Variants in DPP6 observed in about 807,000 individuals in gnomAD.
DPP6 encodes dipeptidyl peptidase like 6.
Under a neutral mutation model 122.6 loss-of-function variants are expected in DPP6, and 69 were observed. That is an observed-to-expected ratio of 0.56 (90% CI 0.46 to 0.69). The LOEUF is 0.69. Ranked by LOEUF, DPP6 falls within the 30% of genes least tolerant of loss-of-function variation. DPP6 has a pLI of 0.00. For synonymous variants in DPP6, 418 were observed against 433.1 expected, an observed-to-expected ratio of 0.97 and a Z score of 0.43; for missense variants, 928 against 1,116.9, an observed-to-expected ratio of 0.83 and a Z score of 2.41.
At chr7:153,870,908 A>T in the DPP6 span, among the ~76,000 whole-genome samples, 1 of 152,226 alleles carries the variant, frequency 6.6e-6, no homozygotes. Flanking sequence ...AGTTTGCTAG[A>T]GGTCCACTCC....
intron 1 of DPP6, among the ~76,000 whole-genome samples, chr7:153,923,026 C>T (rs1045883750): frequency 3.9e-5 from 6 of 152,236 alleles, no homozygotes; most frequent in East Asian, 1.9e-4. Context: ...GCCAGAGCCA[C>T]GTAGTGAGTG....
At chr7:154,805,077 A>C in intron 15 of DPP6, 113 bp downstream of exon 15, 1 of 1,388,260 alleles carries the variant, frequency 7.2e-7, no homozygotes, top group Non-Finnish European at 9.8e-7. Flanking sequence ...GACAGACCCC[A>C]CCACAGAGGA....
chr7:154,884,259 CATG>C (rs1805859689), intron 21 of DPP6: 1 of 147,356 alleles, frequency 6.8e-6, no homozygotes, highest in African/African-American at 2.6e-5. Context: ...ATTACATACA[CATG>C]CTCACACATA....
At chr7:154,448,175 A>G (rs1352776070) in intron 2 of DPP6, among the ~76,000 whole-genome samples, 2 of 152,216 alleles carry the variant, frequency 1.3e-5, no homozygotes, top group African/African-American at 4.8e-5. Flanking sequence ...TTGTATATAG[A>G]AAATCTTAAG....
chr7:154,364,667 A>G (rs1812006733), intron 1 of DPP6, among the ~76,000 whole-genome samples: 1 of 152,212 alleles, frequency 6.6e-6, no homozygotes, highest in Non-Finnish European at 1.5e-5. Flanking sequence ...CCCAAAGGAC[A>G]AATGTACTAG....
At chr7:154,497,038 G>A (rs73163053) in intron 3 of DPP6, among the ~76,000 whole-genome samples, 9,956 of 152,142 alleles carry the variant, frequency 0.065, 418 homozygotes, top group Middle Eastern at 0.13. Flanking sequence ...GGATAAAAAG[G>A]TAAAGAAAGC....
rs574885681 is a variant in DPP6 at position 154,892,586 on chromosome 7, C to T, written c.*106C>T. The stretch of plus-strand genomic sequence containing the variant: ...TCGGAGGGGCGGGGCGGGGCGGGGC[C>T]GGGTGTTCCATAGCATGTGTGTCTC... On this transcript the variant is annotated 3_prime_UTR_variant, in exon 26 of 26. Coordinates refer to ENST00000377770, the MANE Select transcript of DPP6 (RefSeq NM_130797.4). 1.3e-6 allele frequency: 2 copies of T among 1,550,318 alleles called. No homozygotes were observed. The highest frequency in any genetic ancestry group is 2.3e-5 in the East Asian group (1 of 44,384).
chr7:154,406,725 C>G (rs1816147995), intron 1 of DPP6, among the ~76,000 whole-genome samples: 2 of 152,174 alleles, frequency 1.3e-5, no homozygotes, highest in Admixed American at 6.5e-5. Flanking sequence ...TTCTGAGGAC[C>G]CATTCCAGAC....
In DPP6 at chr7:154,151,716, G is replaced by T. The variant is rs150237422; in HGVS notation, c.243+98653G>T. Reference sequence around the variant, plus strand: ...TTCGACTGCAGCTGGTCTCCAGTTGGGACCACATCAGTGCCTCCCGTCTCC... The same window carrying T: ...TTCGACTGCAGCTGGTCTCCAGTTGTGACCACATCAGTGCCTCCCGTCTCC... On this transcript the variant is annotated intron_variant, in intron 1 of 25. Transcript: ENST00000377770. 3.3e-3 allele frequency among the ~76,000 whole-genome samples: 496 copies of T among 151,794 alleles called. 3 individuals carry two copies. Among genetic ancestry groups the T allele is most frequent in the African/African-American group, 0.011 (472 of 41,358 alleles).
At chr7:154,157,767 C>T (rs188231079) in intron 1 of DPP6, among the ~76,000 whole-genome samples, 1 of 152,014 alleles carries the variant, frequency 6.6e-6, no homozygotes, top group East Asian at 1.9e-4. Context: ...AACTCCGTCT[C>T]TACTAAAAAT....
the DPP6 span, among the ~76,000 whole-genome samples, chr7:153,770,926 A>G: frequency 4.6e-5 from 7 of 152,220 alleles, no homozygotes; most frequent in African/African-American, 1.7e-4. Context: ...ACCAGATATA[A>G]CTAAAGCAAA....
intron 1 of DPP6, among the ~76,000 whole-genome samples, chr7:154,137,658 T>TGGGGGGGGGGGGGGGGGGGGGGG (rs1163077821): frequency 2.1e-5 from 1 of 48,384 alleles, no homozygotes; most frequent in Non-Finnish European, 4.2e-5. Context: ...GGTGGGGGGG[T>TGGGGGGGGGGGGGGGGGGGGGGG]GGGGGGGGTG....
chr7:154,499,161 G>A (rs1390897234), intron 3 of DPP6, among the ~76,000 whole-genome samples: 1 of 152,166 alleles, frequency 6.6e-6, no homozygotes, highest in Non-Finnish European at 1.5e-5. Flanking sequence ...GTTCTGAGGA[G>A]GACAGAATGG....
At chr7:154,350,080 G>A (rs1024448607) in intron 1 of DPP6, among the ~76,000 whole-genome samples, 2 of 152,164 alleles carry the variant, frequency 1.3e-5, no homozygotes, top group Admixed American at 6.5e-5. Context: ...CAGATGAACC[G>A]TAGGACAAAA....
intron 7 of DPP6, among the ~76,000 whole-genome samples, chr7:154,691,241 T>C (rs928794837): frequency 4.0e-4 from 61 of 152,176 alleles, no homozygotes; most frequent in African/African-American, 1.4e-3. Context: ...AGGACATTGC[T>C]CTGTTTTCAA....
chr7:154,386,112 G>A (rs573501556), intron 1 of DPP6, among the ~76,000 whole-genome samples: 61 of 152,262 alleles, frequency 4.0e-4, no homozygotes, highest in South Asian at 2.3e-3. Flanking sequence ...TGTGGACATC[G>A]CTGCCTTATT....
intron 4 of DPP6, among the ~76,000 whole-genome samples, chr7:154,547,627 G>A (rs977577824): frequency 2.0e-4 from 31 of 152,284 alleles, no homozygotes; most frequent in African/African-American, 7.2e-4. Context: ...CAAGAACGTT[G>A]CACATTGTGA....
At chr7:154,599,093 C>T (rs574368060) in intron 5 of DPP6, among the ~76,000 whole-genome samples, 2 of 152,236 alleles carry the variant, frequency 1.3e-5, no homozygotes, top group East Asian at 3.9e-4. Flanking sequence ...TGGGAATGTG[C>T]GTGGTGTGAG....
chr7:154,641,750 G>A (rs189273443), intron 6 of DPP6, among the ~76,000 whole-genome samples: 191 of 152,060 alleles, frequency 1.3e-3, no homozygotes, highest in Non-Finnish European at 1.7e-3. Context: ...TTCTATAACC[G>A]AAATCAATTT....
Sources: allele counts gnomAD v4.1 joint callset (sites outside exome capture counted in the v4.1 genomes callset), GRCh38; gene constraint gnomAD v4.1.1; transcripts MANE v1.5; gene names NCBI Gene and HGNC (gene_info 2026-07-23, HGNC 2026-07-21).